Variants in MACROD2 observed in about 807,000 individuals in gnomAD.
The protein encoded by MACROD2 is mono-ADP ribosylhydrolase 2, also known as ADP-ribose glycohydrolase MACROD2.
In MACROD2, 36 loss-of-function variants were observed where a neutral mutation model predicts 70.4. That is an observed-to-expected ratio of 0.51 (90% CI 0.39 to 0.68). The LOEUF (loss-of-function observed/expected upper bound fraction) is 0.68, where lower values mean the gene tolerates loss of function less well. MACROD2 is among the 30% of genes least tolerant of loss of function. The probability of loss-of-function intolerance (pLI) is 0.00; values close to 1 mark genes in which losing one functional copy is unlikely to be tolerated. For missense variants in MACROD2, 496 were observed against 538.4 expected (o/e 0.92, Z 0.78); for synonymous variants, 172 against 178.8 (o/e 0.96, Z 0.30).
intron 5 of MACROD2, among the ~76,000 whole-genome samples, chr20:14,783,751 A>G (rs1030804574): frequency 6.6e-6 from 1 of 152,096 alleles, no homozygotes; most frequent in Non-Finnish European, 1.5e-5. Flanking sequence ...CAATAAATGT[A>G]TATTATCAAG....
intron 8 of MACROD2, among the ~76,000 whole-genome samples, chr20:15,680,524 T>C (rs1205747785): frequency 1.3e-5 from 2 of 152,164 alleles, no homozygotes; most frequent in Non-Finnish European, 2.9e-5. Context: ...TTATCCAATG[T>C]TTAGATGCTG....
At chr20:14,044,703 T>A (rs1429434024) in intron 2 of MACROD2, among the ~76,000 whole-genome samples, 1 of 152,106 alleles carries the variant, frequency 6.6e-6, no homozygotes, top group Admixed American at 6.6e-5. Flanking sequence ...GTGTTTACAA[T>A]CCCTTAGCTA....
intron 8 of MACROD2, among the ~76,000 whole-genome samples, chr20:15,525,367 G>C (rs968082192): frequency 4.6e-5 from 7 of 152,218 alleles, no homozygotes; most frequent in Admixed American, 4.6e-4. Flanking sequence ...AGCCACAACT[G>C]TTGGATAAAG....
At chr20:16,022,349 C>A (rs1236563523) in intron 15 of MACROD2, among the ~76,000 whole-genome samples, 1 of 151,986 alleles carries the variant, frequency 6.6e-6, no homozygotes, top group African/African-American at 2.4e-5. Flanking sequence ...CCGCGCCCAG[C>A]CTCAGTTTCT....
chr20:14,708,186 G>A (rs1568750894), intron 5 of MACROD2, among the ~76,000 whole-genome samples: 1 of 152,170 alleles, frequency 6.6e-6, no homozygotes, highest in Non-Finnish European at 1.5e-5. Flanking sequence ...TAGCATTTCA[G>A]TCTCTTTTCT....
At chr20:15,884,144 G>A (rs1267441373) in intron 9 of MACROD2, among the ~76,000 whole-genome samples, 1 of 152,042 alleles carries the variant, frequency 6.6e-6, no homozygotes, top group Admixed American at 6.6e-5. Flanking sequence ...GGATGGAGGA[G>A]CCAGGATGCA....
intron 10 of MACROD2, among the ~76,000 whole-genome samples, chr20:15,917,360 C>A (rs779154300): frequency 1.3e-5 from 2 of 152,154 alleles, no homozygotes; most frequent in African/African-American, 2.4e-5. Flanking sequence ...GAATTATGAA[C>A]CTGCAGGGTT....
chr20:15,551,896 A>T lies in MACROD2; in HGVS notation c.645+52049A>T, dbSNP rs1219826880. Among the ~76,000 whole-genome samples, 26 of 148,788 alleles carry T rather than the reference A, an allele frequency of 1.7e-4. 1 individual carries two copies. The highest frequency in any genetic ancestry group is 1.6e-3 in the Admixed American group (24 of 14,950). Reference sequence around the variant, plus strand: ...AAAAAAAAAAAAAAAAGAATATTTTATTTCTGTGTAAACAGATTATTATTC... The same window carrying T: ...AAAAAAAAAAAAAAAAGAATATTTTTTTTCTGTGTAAACAGATTATTATTC... On this transcript the variant is annotated intron_variant, in intron 8 of 17. Transcript: ENST00000684519.
chr20:14,291,203 G>A (rs1213788853), intron 3 of MACROD2, among the ~76,000 whole-genome samples: 1 of 152,184 alleles, frequency 6.6e-6, no homozygotes, highest in East Asian at 1.9e-4. Flanking sequence ...AGTCAAAAAG[G>A]ATAGAAATTA....
intron 5 of MACROD2, among the ~76,000 whole-genome samples, chr20:15,082,075 G>T (rs904504474): frequency 6.6e-6 from 1 of 152,170 alleles, no homozygotes; most frequent in South Asian, 2.1e-4. Flanking sequence ...GGCAATGACA[G>T]AATGAGATCT....
At chr20:14,463,966 G>A (rs1230086484) in intron 3 of MACROD2, among the ~76,000 whole-genome samples, 2 of 151,850 alleles carry the variant, frequency 1.3e-5, no homozygotes, top group South Asian at 2.1e-4. Context: ...TTGCATCAAT[G>A]TTCATCAAGG....
At chr20:14,120,016 C>T (rs1240572535) in intron 3 of MACROD2, among the ~76,000 whole-genome samples, 3 of 151,872 alleles carry the variant, frequency 2.0e-5, no homozygotes, top group Non-Finnish European at 4.4e-5. Flanking sequence ...TAAGACCAGC[C>T]TGGGCAACAT....
rs80139890 is a variant in MACROD2 at position 16,004,912 on chromosome 20, A to G, written c.1153+17754A>G. Among the ~76,000 whole-genome samples, 718 of 152,310 alleles carry G rather than the reference A, an allele frequency of 4.7e-3. 3 individuals carry two copies. Among genetic ancestry groups the G allele is most frequent in the African/African-American group, 0.016 (684 of 41,548 alleles). On this transcript the variant is annotated intron_variant, in intron 15 of 17. Coordinates refer to ENST00000684519, the MANE Select transcript of MACROD2 (RefSeq NM_001351661.2). ...AGCCAAGTGTGAACTTAAACAGATT[A>G]TATAAAAAGTGGAGTATACACCTGC...
chr20:14,988,141 A>G (rs2074865595), intron 5 of MACROD2, among the ~76,000 whole-genome samples: 1 of 152,044 alleles, frequency 6.6e-6, no homozygotes, highest in African/African-American at 2.4e-5. Context: ...AGGCGGGCAG[A>G]TCACCTGAGG....
intron 13 of MACROD2, among the ~76,000 whole-genome samples, chr20:15,974,324 G>T (rs1266599147): frequency 6.6e-6 from 1 of 150,958 alleles, no homozygotes; most frequent in East Asian, 1.9e-4. Flanking sequence ...AGAACCAAAG[G>T]TTATTATTCA....
At chr20:15,312,591 A>G (rs2077764888) in intron 6 of MACROD2, among the ~76,000 whole-genome samples, 1 of 152,190 alleles carries the variant, frequency 6.6e-6, no homozygotes, top group African/African-American at 2.4e-5. Flanking sequence ...TGTATATAGT[A>G]TGCTTCTGTT....
chr20:14,955,711 C>T (rs189340319), intron 5 of MACROD2, among the ~76,000 whole-genome samples: 2 of 152,200 alleles, frequency 1.3e-5, no homozygotes, highest in East Asian at 1.9e-4. Flanking sequence ...CCCCCACCCC[C>T]AGCCCTGCAA....
intron 5 of MACROD2, among the ~76,000 whole-genome samples, chr20:15,148,989 C>T (rs1568601926): frequency 6.6e-6 from 1 of 151,992 alleles, no homozygotes; most frequent in Non-Finnish European, 1.5e-5. Context: ...GGAATTACGT[C>T]TGACAGAAGG....
At chr20:14,238,612 A>G (rs1601387628) in intron 3 of MACROD2, among the ~76,000 whole-genome samples, 1 of 152,306 alleles carries the variant, frequency 6.6e-6, no homozygotes, top group East Asian at 1.9e-4. Flanking sequence ...AGAGGATGTC[A>G]AACTATTCCT....
Sources: gnomAD v4.1 joint callset for allele counts (sites outside exome capture counted in the v4.1 genomes callset) on GRCh38, gnomAD v4.1.1 for gene constraint, MANE v1.5 for transcripts, NCBI Gene and HGNC (gene_info 2026-07-23, HGNC 2026-07-21) for gene names.